The following FUT8 variants were observed in gnomAD, a reference collection of about 807,000 sequenced individuals.
FUT8 encodes the protein fucosyltransferase 8.
A neutral mutation model predicts 71.3 loss-of-function variants in FUT8; 29 were observed. That is an observed-to-expected ratio of 0.41 (90% confidence interval 0.30 to 0.55). The LOEUF (loss-of-function observed/expected upper bound fraction) is 0.55, where lower values mean the gene tolerates loss of function less well. Ranked by LOEUF, FUT8 falls within the 20% of genes least tolerant of loss-of-function variation. The pLI is 0.34. For missense variants in FUT8, 544 were observed against 702.1 expected (o/e 0.77, Z 2.55); for synonymous variants, 254 against 239.3 (o/e 1.06, Z -0.57).
chr14:65,366,653 C>G, the FUT8 span, among the ~76,000 whole-genome samples: 1 of 152,084 alleles, frequency 6.6e-6, no homozygotes, highest in South Asian at 2.1e-4. Context: ...TCTTAAAAGG[C>G]CTACCTCATC....
chr14:65,700,946 T>C (rs1254878145), intron 7 of FUT8, among the ~76,000 whole-genome samples: 1 of 152,218 alleles, frequency 6.6e-6, no homozygotes, highest in East Asian at 1.9e-4. Flanking sequence ...TATTTATACA[T>C]AACACATCAT....
chr14:65,383,265 C>CTTTTTTTTCTTTTTT, the FUT8 span, among the ~76,000 whole-genome samples: 3 of 86,512 alleles, frequency 3.5e-5, no homozygotes, highest in East Asian at 2.7e-4. Flanking sequence ...TTTTTCTTTT[C>CTTTTTTTTCTTTTTT]TTTTTTTTTT....
At chr14:65,726,941 C>CT (rs1895714745) in intron 9 of FUT8, among the ~76,000 whole-genome samples, 1 of 152,128 alleles carries the variant, frequency 6.6e-6, no homozygotes, top group Admixed American at 6.5e-5. Flanking sequence ...GGCTACAGGC[C>CT]CCATGCAAGT....
chr14:65,647,586 G>A (rs1475665666), intron 6 of FUT8, among the ~76,000 whole-genome samples: 1 of 152,182 alleles, frequency 6.6e-6, no homozygotes, highest in Admixed American at 6.6e-5. Context: ...ACATTTTACA[G>A]TTGAAGTATT....
At chr14:65,670,820 C>A (rs1223378427) in intron 7 of FUT8, among the ~76,000 whole-genome samples, 1 of 152,078 alleles carries the variant, frequency 6.6e-6, no homozygotes, top group Non-Finnish European at 1.5e-5. Flanking sequence ...TGCAAGAGGT[C>A]CTGTATGGAT....
intron 1 of FUT8, among the ~76,000 whole-genome samples, chr14:65,424,794 G>C (rs1317686027): frequency 4.0e-5 from 6 of 151,788 alleles, no homozygotes; most frequent in Non-Finnish European, 4.4e-5. Context: ...CAAGTAGCTG[G>C]GACTGCAGGT....
intron 1 of FUT8, among the ~76,000 whole-genome samples, chr14:65,436,395 C>G (rs947060464): frequency 6.6e-6 from 1 of 152,130 alleles, no homozygotes; most frequent in African/African-American, 2.4e-5. Context: ...CTTTGGGAGG[C>G]TGAGGCAGGC....
intron 7 of FUT8, among the ~76,000 whole-genome samples, chr14:65,673,140 G>A (rs569125406): frequency 1.5e-3 from 231 of 152,266 alleles, no homozygotes; most frequent in Non-Finnish European, 2.8e-3. Context: ...CCCTGGAGGC[G>A]AGGTGCCTGG....
chr14:65,466,332 C>G (rs1036860364), intron 2 of FUT8, among the ~76,000 whole-genome samples: 2 of 152,188 alleles, frequency 1.3e-5, no homozygotes, highest in Admixed American at 1.3e-4. Context: ...CTGTTTTCTA[C>G]TCATTGTCCT....
intron 1 of FUT8, among the ~76,000 whole-genome samples, chr14:65,442,462 G>A (rs1418185688): frequency 4.0e-5 from 6 of 151,628 alleles, no homozygotes; most frequent in Non-Finnish European, 7.4e-5. Flanking sequence ...GAGCCACCAC[G>A]CCTGGCCAAG....
intron 1 of FUT8, among the ~76,000 whole-genome samples, chr14:65,418,377 C>T (rs1246442776): frequency 2.6e-5 from 4 of 152,148 alleles, no homozygotes; most frequent in African/African-American, 9.7e-5. Flanking sequence ...AATGAGATAT[C>T]AAATTCTAAT....
At chr14:65,561,283 A>G (rs761821649) in intron 2 of FUT8, 54 bp from the exon 3 acceptor site, 41 of 335,696 alleles carry the variant, frequency 1.2e-4, no homozygotes, top group Non-Finnish European at 2.2e-4. Flanking sequence ...ATCTCAGTAT[A>G]TGCTATTTTA....
intron 10 of FUT8, among the ~76,000 whole-genome samples, chr14:65,739,620 C>T (rs1346252491): frequency 6.6e-6 from 1 of 151,940 alleles, no homozygotes; most frequent in Non-Finnish European, 1.5e-5. Flanking sequence ...GTCCTGCATT[C>T]CTGGCTAGGG....
intron 2 of FUT8, among the ~76,000 whole-genome samples, chr14:65,542,788 T>C (rs1302644963): frequency 6.6e-6 from 1 of 152,180 alleles, no homozygotes; most frequent in Non-Finnish European, 1.5e-5. Context: ...TAGGAATTTT[T>C]TATTTTTTTT....
intron 2 of FUT8, among the ~76,000 whole-genome samples, chr14:65,458,691 A>G (rs1467481296): frequency 6.6e-6 from 1 of 151,742 alleles, no homozygotes; most frequent in Non-Finnish European, 1.5e-5. Flanking sequence ...GAATTATGTA[A>G]TTTTCATAGT....
the FUT8 span, among the ~76,000 whole-genome samples, chr14:65,383,549 C>T: frequency 2.0e-5 from 3 of 152,082 alleles, no homozygotes; most frequent in East Asian, 1.9e-4. Flanking sequence ...GGATTACAGG[C>T]GTGAGCCACT....
the FUT8 span, among the ~76,000 whole-genome samples, chr14:65,373,807 T>G: frequency 3.3e-5 from 5 of 152,178 alleles, no homozygotes; most frequent in Admixed American, 6.5e-5. Context: ...AAAAGCCAGT[T>G]GTAGGAGGGA....
At chr14:65,654,562 G>A (rs1448810368) in intron 6 of FUT8, among the ~76,000 whole-genome samples, 1 of 149,380 alleles carries the variant, frequency 6.7e-6, no homozygotes, top group Non-Finnish European at 1.5e-5. Context: ...CTACACTCCA[G>A]CCTGGGCGAC....
intron 6 of FUT8, among the ~76,000 whole-genome samples, chr14:65,657,942 T>TA (rs1891767374): frequency 6.8e-6 from 1 of 146,300 alleles, no homozygotes; most frequent in Non-Finnish European, 1.5e-5. Flanking sequence ...TACTATGTAC[T>TA]CAAAAAAATT....
Sources: gnomAD v4.1 joint callset for allele counts (sites outside exome capture counted in the v4.1 genomes callset) on GRCh38, gnomAD v4.1.1 for gene constraint, MANE v1.5 for transcripts, NCBI Gene and HGNC (gene_info 2026-07-23, HGNC 2026-07-21) for gene names.